The following STARD13 variants were observed in gnomAD, a reference collection of about 807,000 sequenced individuals.
STARD13 encodes the protein StAR related lipid transfer domain containing 13, also known as stAR-related lipid transfer protein 13.
A neutral mutation model predicts 106.4 loss-of-function variants in STARD13; 62 were observed. The ratio of observed to expected loss-of-function variants is 0.58; its 90% CI spans 0.48 to 0.72. The LOEUF (loss-of-function observed/expected upper bound fraction) is 0.72, where lower values mean the gene tolerates loss of function less well. Among genes scored for constraint, STARD13 ranks in the 30% least tolerant of loss-of-function variants. The probability of loss-of-function intolerance (pLI) is 0.00; values close to 1 mark genes in which losing one functional copy is unlikely to be tolerated. For synonymous variants in STARD13, 565 were observed against 553.0 expected, an observed-to-expected ratio of 1.02 and a Z score of -0.31; for missense variants, 1,387 against 1,424.0, an observed-to-expected ratio of 0.97 and a Z score of 0.42.
chr13:33,418,287 T>C, the STARD13 span, among the ~76,000 whole-genome samples: 1 of 152,198 alleles, frequency 6.6e-6, no homozygotes, highest in African/African-American at 2.4e-5. Context: ...GGAGATTCTC[T>C]CCCATGCCTG....
chr13:33,361,150 C>A, the STARD13 span, among the ~76,000 whole-genome samples: 3 of 151,060 alleles, frequency 2.0e-5, no homozygotes, highest in Non-Finnish European at 3.0e-5. Flanking sequence ...CCTGCCTCCC[C>A]TTCCACCTCC....
chr13:33,638,722 G>A, the STARD13 span, among the ~76,000 whole-genome samples: 1 of 152,170 alleles, frequency 6.6e-6, no homozygotes, highest in Non-Finnish European at 1.5e-5. Context: ...GGCATAATGA[G>A]GCATGTCTGA....
At chr13:33,575,306 T>C in the STARD13 span, among the ~76,000 whole-genome samples, 1 of 152,220 alleles carries the variant, frequency 6.6e-6, no homozygotes, top group Non-Finnish European at 1.5e-5. Context: ...AAAATATAAT[T>C]GTCTAAAATA....
rs114974811 is a variant in STARD13 at position 33,210,880 on chromosome 13, G to A, written c.170-43258C>T. 1.1e-3 allele frequency among the ~76,000 whole-genome samples: 169 copies of A among 152,176 alleles called. 2 individuals are homozygous for A. Among genetic ancestry groups the A allele is most frequent in the African/African-American group, 3.9e-3 (161 of 41,542 alleles). On this transcript the variant is annotated intron_variant, in intron 1 of 13. Coordinates refer to ENST00000336934, the MANE Select transcript of STARD13 (RefSeq NM_178006.4). Reference sequence around the variant, plus strand: ...AAGAGGGCACCTCCACATCAGAATCGGCCATTTCAAGCCCTGTTGTTACCA... The same window carrying A: ...AAGAGGGCACCTCCACATCAGAATCAGCCATTTCAAGCCCTGTTGTTACCA...
intron 7 of STARD13, among the ~76,000 whole-genome samples, chr13:33,120,581 T>G (rs564925819): frequency 6.6e-6 from 1 of 152,294 alleles, no homozygotes; most frequent in South Asian, 2.1e-4. Context: ...ATATATATTT[T>G]GGTTTCTGTG....
At chr13:33,621,174 TCAAA>T in the STARD13 span, among the ~76,000 whole-genome samples, 2,861 of 151,940 alleles carry the variant, frequency 0.019, 86 homozygotes, top group African/African-American at 0.065. Context: ...ATTAATAAAG[TCAAA>T]CAGTTTTTTG....
At chr13:33,170,077 A>AT (rs1883773191) in intron 1 of STARD13, among the ~76,000 whole-genome samples, 1 of 152,072 alleles carries the variant, frequency 6.6e-6, no homozygotes, top group Non-Finnish European at 1.5e-5. Flanking sequence ...AATGAATAAG[A>AT]CCTACTATTT....
At chr13:33,427,736 A>G in the STARD13 span, among the ~76,000 whole-genome samples, 1 of 152,122 alleles carries the variant, frequency 6.6e-6, no homozygotes, top group Non-Finnish European at 1.5e-5. Flanking sequence ...CGGGCGGATC[A>G]CCTGAGGTCA....
chr13:33,359,409 T>G, the STARD13 span: 1 of 173,602 alleles, frequency 5.8e-6, no homozygotes, highest in Non-Finnish European at 1.2e-5. Context: ...CAAACACATC[T>G]GAACATCAGA....
upstream of STARD13, among the ~76,000 whole-genome samples, chr13:33,288,505 C>T (rs752801693): frequency 1.3e-5 from 2 of 151,664 alleles, no homozygotes; most frequent in Non-Finnish European, 2.9e-5. Flanking sequence ...AAACTCCTGG[C>T]TTCCAGCATT....
intron 1 of STARD13, among the ~76,000 whole-genome samples, chr13:33,168,781 G>GTC (rs1211311526): frequency 6.6e-6 from 1 of 152,212 alleles, no homozygotes; most frequent in Middle Eastern, 3.2e-3. Flanking sequence ...AAAGCTCAGT[G>GTC]TCTGTGCAGT....
chr13:33,432,808 G>C, the STARD13 span, among the ~76,000 whole-genome samples: 7 of 152,074 alleles, frequency 4.6e-5, no homozygotes, highest in African/African-American at 1.7e-4. Flanking sequence ...AGAGATTGCT[G>C]TTTCAAGAAC....
the STARD13 span, among the ~76,000 whole-genome samples, chr13:33,656,425 A>AT: frequency 6.6e-6 from 1 of 152,306 alleles, no homozygotes; most frequent in Admixed American, 6.5e-5. Context: ...TGTTTCACAG[A>AT]TTTTTTTGTT....
the STARD13 span, among the ~76,000 whole-genome samples, chr13:33,558,522 C>A: frequency 6.6e-6 from 1 of 151,548 alleles, no homozygotes; most frequent in Admixed American, 6.6e-5. Context: ...TAAAAAAATA[C>A]CTGCCTATCT....
chr13:33,242,900 A>T (rs551933707), intron 1 of STARD13, among the ~76,000 whole-genome samples: 1 of 152,224 alleles, frequency 6.6e-6, no homozygotes, highest in African/African-American at 2.4e-5. Flanking sequence ...CTGTTCTTAG[A>T]GCTTCCTAGT....
chr13:33,117,997 A>G, intron 8 of STARD13, 68 bp downstream of exon 8: 1 of 1,602,438 alleles, frequency 6.2e-7, no homozygotes, highest in Non-Finnish European at 8.5e-7. Context: ...AACTCAATCT[A>G]TAGGGAATTA....
At position 33,281,541 on chromosome 13, in the gene STARD13, T is replaced by C. The variant is rs1020179223; in HGVS notation, c.169+3929A>G. 3 of 151,768 alleles carry C rather than the reference T, an allele frequency of 2.0e-5. No homozygotes were observed. In the South Asian group the frequency reaches 6.2e-4, roughly 32 times the overall value. 9.4% of individuals were successfully genotyped at this position (151,768 alleles called of 1,614,324 possible). On this transcript the variant is annotated intron_variant, in intron 1 of 13. Transcript: ENST00000336934. ...AAATCAAAACCATCAAATAATGACA[T>C]AGAAATCCAATTCTCCCACCTTACA...
Position 33,209,459 on chromosome 13 carries a change from C to CTCTT in STARD13, c.170-41838_170-41837insAAGA, listed in dbSNP as rs566293356. 2.1e-4 allele frequency among the ~76,000 whole-genome samples: 32 copies of CTCTT among 149,020 alleles called. No homozygotes were observed. In the East Asian group the frequency reaches 3.7e-3, roughly 17 times the overall value. On this transcript the variant is annotated intron_variant, in intron 1 of 13. Transcript: ENST00000336934. ...GTCTGAATCTTCTCTCTCTCTCTCT[C>CTCTT]TTTTTTTTTTCCAAATTCCAGGGCC...
the STARD13 span, among the ~76,000 whole-genome samples, chr13:33,613,453 G>T: frequency 6.6e-6 from 1 of 152,220 alleles, no homozygotes; most frequent in African/African-American, 2.4e-5. Context: ...TTCCCTGAGG[G>T]TGCAGTAAGG....
Sources: allele counts gnomAD v4.1 joint callset (sites outside exome capture counted in the v4.1 genomes callset), GRCh38; gene constraint gnomAD v4.1.1; transcripts MANE v1.5; gene names NCBI Gene and HGNC (gene_info 2026-07-23, HGNC 2026-07-21).